PHF24: variants seen among roughly 807,000 people sequenced by gnomAD.
The protein encoded by PHF24 is Galpha inhibitory interacting protein.
In PHF24, 25 loss-of-function variants were observed where a neutral mutation model predicts 42.6. The observed-to-expected ratio is 0.59, with a 90% confidence interval of 0.43 to 0.82. The LOEUF is 0.82. Among genes scored for constraint, PHF24 ranks in the 40% least tolerant of loss-of-function variants. The probability of loss-of-function intolerance (pLI) is 0.00; values close to 1 mark genes in which losing one functional copy is unlikely to be tolerated. For synonymous variants in PHF24, 185 were observed against 204.8 expected, an observed-to-expected ratio of 0.90 and a Z score of 0.83; for missense variants, 470 against 538.1, an observed-to-expected ratio of 0.87 and a Z score of 1.25.
the PHF24 span, among the ~76,000 whole-genome samples, chr9:34,718,597 G>T: frequency 6.6e-6 from 1 of 152,248 alleles, no homozygotes; most frequent in African/African-American, 2.4e-5. Context: ...GGGCTCCAGA[G>T]GCCAGGTAGA....
the PHF24 span, among the ~76,000 whole-genome samples, chr9:34,760,721 G>C: frequency 6.6e-6 from 1 of 152,240 alleles, no homozygotes; most frequent in African/African-American, 2.4e-5. Flanking sequence ...GCCAAACGCG[G>C]GGGCTCACGC....
At chr9:34,807,132 G>A in the PHF24 span, among the ~76,000 whole-genome samples, 2 of 152,204 alleles carry the variant, frequency 1.3e-5, no homozygotes, top group Non-Finnish European at 2.9e-5. Flanking sequence ...ATCTTAGGGA[G>A]ACAGCATTCA....
At chr9:34,827,011 G>A in the PHF24 span, among the ~76,000 whole-genome samples, 1 of 152,084 alleles carries the variant, frequency 6.6e-6, no homozygotes, top group African/African-American at 2.4e-5. Context: ...TCTTGACTTT[G>A]CCAAGAACTC....
chr9:34,852,053 A>AC, the PHF24 span, among the ~76,000 whole-genome samples: 1 of 152,112 alleles, frequency 6.6e-6, no homozygotes, highest in African/African-American at 2.4e-5. Context: ...AGACAGCAAG[A>AC]CCAACCCCTC....
At chr9:34,918,313 G>T in the PHF24 span, 2 of 976,356 alleles carry the variant, frequency 2.0e-6, no homozygotes, top group Non-Finnish European at 3.3e-6. Context: ...TAGACCTCCA[G>T]CTGTCGAGCC....
chr9:34,906,885 C>A, the PHF24 span, among the ~76,000 whole-genome samples: 1 of 152,108 alleles, frequency 6.6e-6, no homozygotes, highest in Non-Finnish European at 1.5e-5. Context: ...ATCACCACAC[C>A]CAGACACACT....
chr9:34,884,761 G>A, the PHF24 span, among the ~76,000 whole-genome samples: 1 of 152,202 alleles, frequency 6.6e-6, no homozygotes, highest in Non-Finnish European at 1.5e-5. Context: ...CCAGTCCCTG[G>A]AGGGTGGCAA....
At chr9:34,750,107 A>G in the PHF24 span, among the ~76,000 whole-genome samples, 2 of 152,214 alleles carry the variant, frequency 1.3e-5, no homozygotes. Context: ...AAGAACATTA[A>G]TGAGCAGCAA....
At chr9:34,834,953 C>T in the PHF24 span, 2 of 1,446,958 alleles carry the variant, frequency 1.4e-6, no homozygotes, top group Non-Finnish European at 1.9e-6. Context: ...GCCTTGAGAT[C>T]CCATGAAAGT....
At chr9:34,835,571 A>T in the PHF24 span, 4 of 1,551,662 alleles carry the variant, frequency 2.6e-6, no homozygotes, top group Non-Finnish European at 3.5e-6. Context: ...TCCCTGGACA[A>T]GGCTGGGGTT....
chr9:34,859,402 C>G, the PHF24 span, among the ~76,000 whole-genome samples: 3 of 152,292 alleles, frequency 2.0e-5, no homozygotes, highest in East Asian at 3.9e-4. Context: ...CAGACCAAGA[C>G]TGCCATACTG....
the PHF24 span, among the ~76,000 whole-genome samples, chr9:34,817,709 C>T: frequency 6.6e-6 from 1 of 152,082 alleles, no homozygotes; most frequent in East Asian, 1.9e-4. Flanking sequence ...GTTCTTAATT[C>T]TGATGAGGTA....
the PHF24 span, among the ~76,000 whole-genome samples, chr9:34,803,439 A>T: frequency 6.6e-6 from 1 of 151,510 alleles, no homozygotes; most frequent in East Asian, 1.9e-4. Context: ...TCCTGGACGC[A>T]GCACATTCTA....
the PHF24 span, among the ~76,000 whole-genome samples, chr9:34,810,984 A>G: frequency 6.7e-6 from 1 of 149,434 alleles, no homozygotes; most frequent in Admixed American, 6.7e-5. Context: ...TGACTTTGGC[A>G]GGTCCTGGAA....
At chr9:34,961,697 C>G (rs545037667) in intron 1 of PHF24, among the ~76,000 whole-genome samples, 1 of 152,254 alleles carries the variant, frequency 6.6e-6, no homozygotes, top group Non-Finnish European at 1.5e-5. Context: ...CTGGCAGCCA[C>G]ATTCAGCCCT....
At chr9:34,680,463 T>C in the PHF24 span, among the ~76,000 whole-genome samples, 141,212 of 151,622 alleles carry the variant, frequency 0.93, 65,994 homozygotes, top group Non-Finnish European at 0.98. Context: ...CCGAGGCGGG[T>C]GGATCACGAG....
chr9:34,800,809 T>C, the PHF24 span, among the ~76,000 whole-genome samples: 1 of 152,112 alleles, frequency 6.6e-6, no homozygotes, highest in South Asian at 2.1e-4. Flanking sequence ...AAAGCCAAAA[T>C]TGACAAATGG....
At chr9:34,875,131 G>C in the PHF24 span, among the ~76,000 whole-genome samples, 1 of 151,930 alleles carries the variant, frequency 6.6e-6, no homozygotes, top group Non-Finnish European at 1.5e-5. Flanking sequence ...CCCAGCCTCT[G>C]GTAACCATCC....
At chr9:34,833,087 G>A in the PHF24 span, 2 of 1,551,120 alleles carry the variant, frequency 1.3e-6, no homozygotes, top group African/African-American at 1.4e-5. Flanking sequence ...CTCTTCTCTG[G>A]TTGAGGAGCG....
Sources: allele counts gnomAD v4.1 joint callset (sites outside exome capture counted in the v4.1 genomes callset), GRCh38; gene constraint gnomAD v4.1.1; transcripts MANE v1.5; gene names NCBI Gene and HGNC (gene_info 2026-07-23, HGNC 2026-07-21).